The following YJU2B variants were observed in gnomAD, a reference collection of about 807,000 sequenced individuals.
The protein encoded by YJU2B is YJU2 splicing factor homolog B.
Under a neutral mutation model 38.0 loss-of-function variants are expected in YJU2B, and 18 were observed. The ratio of observed to expected loss-of-function variants is 0.47; its 90% CI spans 0.33 to 0.70. YJU2B has a LOEUF of 0.70. Among genes scored for constraint, YJU2B ranks in the 30% least tolerant of loss-of-function variants. The pLI is 0.02. For synonymous variants in YJU2B, 246 were observed against 225.4 expected (o/e 1.09, Z -0.82); for missense variants, 538 against 556.3 (o/e 0.97, Z 0.33).
chr19:13,754,273 C>T lies in YJU2B; in HGVS notation c.4-16C>T. ...ATCAGCCTCTCTCTGAGTCATGTCT[C>T]TGTTCTGCTTTGCAGGGTGAAAGGA... is the stretch of plus-strand genomic sequence containing the variant. On this transcript the variant is annotated splice_polypyrimidine_tract_variant and intron_variant, in intron 2 of 9. Coordinates refer to ENST00000221554, the MANE Select transcript of YJU2B (RefSeq NM_030818.4). The T allele has an allele frequency of 1.9e-6, 3 of 1,608,618 alleles. No individual in the cohort carries two copies. The highest frequency in any genetic ancestry group is 1.7e-6 in the Non-Finnish European group (2 of 1,175,054).
At chr19:13,744,672 C>G (rs951675476), upstream of YJU2B, among the ~76,000 whole-genome samples, 2 of 152,162 alleles carry the variant, frequency 1.3e-5, no homozygotes, top group African/African-American at 2.4e-5. Context: ...CCAGCCCATT[C>G]TCAAACACCC....
At chr19:13,750,099 T>C (rs931973053) in intron 1 of YJU2B, among the ~76,000 whole-genome samples, 2 of 152,184 alleles carry the variant, frequency 1.3e-5, no homozygotes, top group African/African-American at 4.8e-5. Context: ...GGCCTGGCAC[T>C]GTCCTAGGTG....
At chr19:13,740,598 C>T (rs936054157) in intron 2 of YJU2B, among the ~76,000 whole-genome samples, 6 of 151,954 alleles carry the variant, frequency 3.9e-5, no homozygotes, top group African/African-American at 1.5e-4. Context: ...AGTGTAGTGG[C>T]GCAATCTTGG....
chr19:13,738,869 G>A (rs982891243), intron 2 of YJU2B, among the ~76,000 whole-genome samples: 1 of 141,668 alleles, frequency 7.1e-6, no homozygotes, highest in Non-Finnish European at 1.5e-5. Flanking sequence ...CTCCAGCCTG[G>A]ATGACAGAGC....
At chr19:13,749,726 G>A (rs1303041842) in intron 1 of YJU2B, among the ~76,000 whole-genome samples, 6 of 147,496 alleles carry the variant, frequency 4.1e-5, no homozygotes, top group African/African-American at 1.5e-4. Flanking sequence ...TCCGCCTCCC[G>A]GGTTCACGCC....
rs368170095 is a variant in YJU2B at position 13,751,640 on chromosome 19, G to A, written c.-169G>A. 15 of 654,386 alleles carry A rather than the reference G, an allele frequency of 2.3e-5. No homozygotes were observed. Among genetic ancestry groups the A allele is most frequent in the South Asian group, 1.1e-4 (6 of 54,438 alleles). The allele number at this position is 654,386 out of a possible 1,614,324, so 40.5% of individuals were successfully genotyped here. A position where few individuals can be genotyped will look rare whatever the true frequency, so the allele number is the denominator to read the frequency against. On this transcript the variant is annotated 5_prime_UTR_variant, in exon 2 of 10. Coordinates refer to ENST00000221554, the MANE Select transcript of YJU2B (RefSeq NM_030818.4). Reference sequence around the variant, plus strand: ...GCTTTTTGGATGCCTCCTATGCCTGGCGGGAGTCTTGTCTGAGCTGGCACC... The same window carrying A: ...GCTTTTTGGATGCCTCCTATGCCTGACGGGAGTCTTGTCTGAGCTGGCACC...
At chr19:13,737,063 T>A (rs1451900493) in intron 2 of YJU2B, among the ~76,000 whole-genome samples, 1 of 150,462 alleles carries the variant, frequency 6.6e-6, no homozygotes, top group Non-Finnish European at 1.5e-5. Flanking sequence ...GGTCTCGCTC[T>A]GTCACCCATG....
upstream of YJU2B, among the ~76,000 whole-genome samples, chr19:13,745,701 ATAGATATC>A (rs1308573465): frequency 3.4e-5 from 3 of 87,504 alleles, no homozygotes; most frequent in South Asian, 1.1e-3. Flanking sequence ...ATATAGATAT[ATAGATATC>A]TATAGATCTA....
intron 2 of YJU2B, among the ~76,000 whole-genome samples, chr19:13,741,727 TCAAAC>T (rs540043398): frequency 0.01 from 1,571 of 151,834 alleles, 21 homozygotes; most frequent in African/African-American, 0.036. Context: ...AGACCCTGTC[TCAAAC>T]CAAACCAAAC....
intron 2 of YJU2B, among the ~76,000 whole-genome samples, 192 bp from the exon 3 acceptor site, chr19:13,754,097 G>A (rs568239605): frequency 1.3e-5 from 2 of 152,208 alleles, no homozygotes; most frequent in Admixed American, 6.5e-5. Context: ...GCCTGAACTC[G>A]GGAAACGGAG....
At chr19:13,738,669 A>C (rs944307108) in intron 2 of YJU2B, among the ~76,000 whole-genome samples, 1 of 152,078 alleles carries the variant, frequency 6.6e-6, no homozygotes, top group African/African-American at 2.4e-5. Flanking sequence ...AGGCGGGCAG[A>C]TCACGAGGTC....
intron 1 of YJU2B, among the ~76,000 whole-genome samples, chr19:13,748,584 C>CA (rs1973338538): frequency 6.6e-6 from 1 of 152,196 alleles, no homozygotes; most frequent in African/African-American, 2.4e-5. Context: ...CACACACCCT[C>CA]GAGCTCCTGT....
intron 8 of YJU2B, among the ~76,000 whole-genome samples, chr19:13,761,814 C>T (rs1407015656): frequency 1.3e-5 from 2 of 151,920 alleles, no homozygotes; most frequent in Non-Finnish European, 2.9e-5. Flanking sequence ...ACCTCCACCT[C>T]CCCGGTTGAA....
upstream of YJU2B, among the ~76,000 whole-genome samples, chr19:13,743,234 C>T (rs1292816386): frequency 6.6e-6 from 1 of 152,152 alleles, no homozygotes; most frequent in Non-Finnish European, 1.5e-5. Context: ...CATTGGTTTC[C>T]ACTTAAAAAG....
intron 2 of YJU2B, among the ~76,000 whole-genome samples, chr19:13,733,611 C>T (rs1972873975): frequency 6.6e-6 from 1 of 152,160 alleles, no homozygotes; most frequent in Non-Finnish European, 1.5e-5. Context: ...ATCCCAGCTA[C>T]TCGGGAGGCT....
intron 2 of YJU2B, among the ~76,000 whole-genome samples, chr19:13,735,271 C>T (rs557159363): frequency 8.5e-4 from 129 of 152,212 alleles, no homozygotes; most frequent in African/African-American, 2.8e-3. Context: ...GCCGAGATTG[C>T]GCCACCGCAC....
chr19:13,745,129 C>T (rs1338020124), upstream of YJU2B, among the ~76,000 whole-genome samples: 2 of 152,198 alleles, frequency 1.3e-5, no homozygotes, highest in African/African-American at 4.8e-5. Context: ...CCACCCCTCA[C>T]TAACTGTGCG....
intron 8 of YJU2B, chr19:13,759,502 G>A (rs11881138): frequency 1.2e-5 from 6 of 485,188 alleles, no homozygotes; most frequent in Non-Finnish European, 2.2e-5. Context: ...AGTGACTCAC[G>A]CCTGTAATCC....
chr19:13,748,583 T>G (rs528462140), intron 1 of YJU2B, among the ~76,000 whole-genome samples: 1 of 152,262 alleles, frequency 6.6e-6, no homozygotes, highest in Non-Finnish European at 1.5e-5. Flanking sequence ...ACACACACCC[T>G]CGAGCTCCTG....
Sources: allele counts gnomAD v4.1 joint callset (sites outside exome capture counted in the v4.1 genomes callset), GRCh38; gene constraint gnomAD v4.1.1; transcripts MANE v1.5; gene names NCBI Gene and HGNC (gene_info 2026-07-23, HGNC 2026-07-21).